The following BRD1 variants were observed in gnomAD, a reference collection of about 807,000 sequenced individuals.
The protein encoded by BRD1 is bromodomain-containing protein 1.
In BRD1, 24 loss-of-function variants were observed where a neutral mutation model predicts 107.7. The ratio of observed to expected loss-of-function variants is 0.22; its 90% CI spans 0.16 to 0.31. The LOEUF is 0.31. Among genes scored for constraint, BRD1 ranks in the 10% least tolerant of loss-of-function variants. The probability of loss-of-function intolerance (pLI) is 1.00; values close to 1 mark genes in which losing one functional copy is unlikely to be tolerated. For missense variants in BRD1, 1,279 were observed against 1,638.6 expected, an observed-to-expected ratio of 0.78 and a Z score of 3.79; for synonymous variants, 744 against 686.1, an observed-to-expected ratio of 1.08 and a Z score of -1.32.
chr22:49,781,645 G>A (rs1010040165), intron 8 of BRD1, among the ~76,000 whole-genome samples: 3 of 152,194 alleles, frequency 2.0e-5, no homozygotes, highest in Admixed American at 6.5e-5. Context: ...CTGCCACCTC[G>A]GCTTCTCCGG....
intron 2 of BRD1, among the ~76,000 whole-genome samples, chr22:49,804,635 G>A (rs2059705727): frequency 6.6e-6 from 1 of 152,180 alleles, no homozygotes. Context: ...GATCCCTTGA[G>A]GCCAGGAGTT....
intron 2 of BRD1, among the ~76,000 whole-genome samples, chr22:49,807,936 C>G (rs1014492748): frequency 6.6e-6 from 1 of 152,054 alleles, no homozygotes; most frequent in Non-Finnish European, 1.5e-5. Flanking sequence ...TTCAAAAGTG[C>G]AAATGCTCAA....
At chr22:49,825,235 C>T (rs1057252979) in intron 1 of BRD1, among the ~76,000 whole-genome samples, 3 of 152,280 alleles carry the variant, frequency 2.0e-5, no homozygotes, top group Non-Finnish European at 2.9e-5. Context: ...CTGTTCTCCC[C>T]GGCACACGTG....
At position 49,783,204 on chromosome 22, in the gene BRD1, A is replaced by G. The variant is rs1051991917; in HGVS notation, c.2857+4186T>C. On this transcript the variant is annotated intron_variant, in intron 8 of 12. Transcript: ENST00000404760. The surrounding 1 kb of genome is among the most constrained non-coding windows in gnomAD (Gnocchi z 4.2). ...CAAGGCCCAGGACAGACGCCTGCAC[A>G]AGATCCCACGCACAGATGCCCCACC... 5.3e-5 allele frequency among the ~76,000 whole-genome samples: 8 copies of G among 152,368 alleles called. No individual in the cohort carries two copies. The highest frequency in any genetic ancestry group is 5.2e-4 in the Admixed American group (8 of 15,306).
At position 49,824,522 on chromosome 22, in the gene BRD1, G is replaced by T; in HGVS notation, c.-14-191C>A. ...CTGAGCGAGTCCCCAGGACCAGGGA[G>T]GGAGCAGCAGTAACAGGCAGAGAGG... On this transcript the variant is annotated intron_variant, in intron 1 of 12. Transcript: ENST00000404760. This position sits in a 1 kb window ranked among gnomAD's most constrained non-coding sequence, Gnocchi z 5.9. The T allele has an allele frequency of 7.1e-7, 1 of 1,410,100 alleles. No individual in the cohort carries two copies. Among genetic ancestry groups the T allele is most frequent in the Non-Finnish European group, 9.2e-7 (1 of 1,085,662 alleles). The allele number at this position is 1,410,100 out of a possible 1,614,324, so 87.3% of individuals were successfully genotyped here.
rs2060100083 is a variant in BRD1 at position 49,823,056 on chromosome 22, C to G, written c.1262G>C (p.Arg421Thr). 1 of 1,614,254 alleles carries G rather than the reference C, an allele frequency of 6.2e-7. No homozygotes were observed. Among genetic ancestry groups the G allele is most frequent in the South Asian group, 1.1e-5 (1 of 91,088 alleles). The change falls in exon 2 of 13, where the codon AGG becomes ACG. Residue 421 changes from arginine to threonine, a missense_variant. Physicochemically the swap from Arg to Thr is moderately conservative, Grantham distance 71. Transcript: ENST00000404760. ...CRKESSVKTV[R>T]STSKVRKKAK... ...CTTCTTCCTGACCTTGGATGTGGAC[C>G]TGACCGTTTTAACCGAGCTCTCTTT...
At position 49,824,226 on chromosome 22, in the gene BRD1, A is replaced by G. The variant is rs1312129862; in HGVS notation, c.92T>C (p.Leu31Pro). ...CATCCTTTGAGCTTGAGCGTAGGTC[A>G]GCGTTTCTCGCGTAGGGGAGTGTTT... The part of the protein sequence containing the change: ...SVKHSPTRET[L>P]TYAQAQRMVE... Residue 31 changes from leucine to proline, a missense_variant, in exon 2 of 13, where the codon CTG becomes CCG. Physicochemically the swap from Leu to Pro is moderately conservative, Grantham distance 98. Around this residue, in one of 7 missense-constraint regions of BRD1, gnomAD observed 223 missense variants for 263.5 expected, o/e 0.85. Transcript: ENST00000404760. The surrounding 1 kb of genome is among the most constrained non-coding windows in gnomAD (Gnocchi z 5.9). The G allele has an allele frequency of 6.2e-7, 1 of 1,614,026 alleles. No homozygotes were observed. The highest frequency in any genetic ancestry group is 8.5e-7 in the Non-Finnish European group (1 of 1,180,030).
intron 4 of BRD1, 51 bp downstream of exon 4, chr22:49,798,937 C>T: frequency 6.4e-7 from 1 of 1,550,890 alleles, no homozygotes; most frequent in Non-Finnish European, 8.7e-7. Flanking sequence ...AGCGTCCCAC[C>T]CACGCCCCGT....
At chr22:49,820,199 T>C (rs2060038762) in intron 2 of BRD1, among the ~76,000 whole-genome samples, 1 of 152,136 alleles carries the variant, frequency 6.6e-6, no homozygotes, top group South Asian at 2.1e-4. Flanking sequence ...CCACTAGAAT[T>C]ATAAAAGCAG....
Position 49,827,225 on chromosome 22 carries a change from C to T in BRD1, c.-15+272G>A, listed in dbSNP as rs541560807. On this transcript the variant is annotated intron_variant, in intron 1 of 12. Transcript: ENST00000404760. Reference sequence around the variant, plus strand: ...CCCGACTCGGCCTCCCTCGACTCCCCGGCCTGACCTACCCGGTCTCCCCGC... The same window carrying T: ...CCCGACTCGGCCTCCCTCGACTCCCTGGCCTGACCTACCCGGTCTCCCCGC... Among the ~76,000 whole-genome samples, 499 of 151,088 alleles carry T rather than the reference C, an allele frequency of 3.3e-3. 6 individuals are homozygous for T. The highest frequency in any genetic ancestry group is 0.012 in the African/African-American group (480 of 41,296).
At chr22:49,779,661 T>TC (rs1235264279) in intron 8 of BRD1, among the ~76,000 whole-genome samples, 8 of 151,946 alleles carry the variant, frequency 5.3e-5, no homozygotes, top group African/African-American at 1.9e-4. Flanking sequence ...CTCCACATGC[T>TC]CCCCATACTC....
chr22:49,784,538 G>A (rs1004954926), intron 8 of BRD1, among the ~76,000 whole-genome samples: 7 of 152,252 alleles, frequency 4.6e-5, no homozygotes, highest in Non-Finnish European at 7.3e-5. Context: ...ACACGGGCAG[G>A]AGGCCCACAG....
At chr22:49,814,512 G>A in intron 2 of BRD1, among the ~76,000 whole-genome samples, 1 of 152,232 alleles carries the variant, frequency 6.6e-6, no homozygotes, top group Non-Finnish European at 1.5e-5. Flanking sequence ...ACGTGCATGG[G>A]CAAGGGCCAC....
chr22:49,827,294 C>A (rs1184477248), intron 1 of BRD1, among the ~76,000 whole-genome samples: 1 of 150,112 alleles, frequency 6.7e-6, no homozygotes, highest in African/African-American at 2.4e-5. Context: ...CCGCCCGGCC[C>A]GACCTCCCCG....
At chr22:49,789,561 CA>C (rs1275856594) in intron 7 of BRD1, among the ~76,000 whole-genome samples, 4 of 151,828 alleles carry the variant, frequency 2.6e-5, no homozygotes, top group Admixed American at 1.3e-4. Flanking sequence ...ATGGCCTCTG[CA>C]GGGCCAAGGC....
intron 8 of BRD1, among the ~76,000 whole-genome samples, chr22:49,782,119 G>A (rs1430505975): frequency 6.8e-6 from 1 of 146,344 alleles, no homozygotes; most frequent in Non-Finnish European, 1.5e-5. Flanking sequence ...ACAGACCCAA[G>A]GCCCAGGCCA....
chr22:49,826,165 A>G, intron 1 of BRD1: 2 of 985,326 alleles, frequency 2.0e-6, no homozygotes, highest in South Asian at 9.4e-5. Flanking sequence ...TCAGAAACGA[A>G]CCTGTCATTT....
At position 49,827,708 on chromosome 22, in the gene BRD1, G is replaced by T. The variant is rs1224678751; in HGVS notation, c.-226C>A. ...ACTCTCGGGCAGCGGCTCGCGCGGC[G>T]CGGGCTCGGGCTCGGGGCCCAGCTG... On this transcript the variant is annotated 5_prime_UTR_variant, in exon 1 of 13. Coordinates refer to ENST00000404760, the MANE Select transcript of BRD1 (RefSeq NM_001304808.3). Among the ~76,000 whole-genome samples, 2 of 144,874 alleles carry T rather than the reference G, an allele frequency of 1.4e-5. No individual in the cohort carries two copies. Among genetic ancestry groups the T allele is most frequent in the Non-Finnish European group, 3.1e-5 (2 of 65,338 alleles).
intron 2 of BRD1, 90 bp from the exon 3 acceptor site, chr22:49,804,450 A>G: frequency 7.1e-7 from 1 of 1,414,012 alleles, no homozygotes; most frequent in Non-Finnish European, 9.5e-7. Flanking sequence ...CTGCTAACAA[A>G]ACCATGTGTT....
Sources: gnomAD v4.1 joint callset for allele counts (sites outside exome capture counted in the v4.1 genomes callset) on GRCh38, gnomAD v4.1.1 for gene constraint, gnomAD v4.1.1 regional missense constraint, Gnocchi (gnomAD v3.1) non-coding constraint, MANE v1.5 for transcripts, NCBI Gene and HGNC (gene_info 2026-07-23, HGNC 2026-07-21) for gene names.